IL17RA: variants seen among roughly 807,000 people sequenced by gnomAD.
IL17RA encodes interleukin 17 receptor A, also known as interleukin-17 receptor A.
Under a neutral mutation model 50.4 loss-of-function variants are expected in IL17RA, and 34 were observed. The ratio of observed to expected loss-of-function variants is 0.67; its 90% CI spans 0.51 to 0.90. IL17RA has a LOEUF of 0.90. IL17RA is among the 40% of genes least tolerant of loss of function. The pLI is 0.00. For synonymous variants in IL17RA, 585 were observed against 510.4 expected, an observed-to-expected ratio of 1.15 and a Z score of -1.97; for missense variants, 1,276 against 1,169.8, an observed-to-expected ratio of 1.09 and a Z score of -1.32.
chr22:17,097,891 A>G lies in IL17RA; in HGVS notation c.258A>G (p.Gln86=), dbSNP rs553999310. The change falls in exon 3 of 13, where the codon CAA becomes CAG. Residue 86 remains glutamine, a synonymous_variant. Transcript: ENST00000319363. ...TCCAGCTGCACTTTGCCCACACCCAACAAGGAGACCTGTTCCCCGTGGCTC... is the reference window on the plus strand; with the variant it reads ...TCCAGCTGCACTTTGCCCACACCCAGCAAGGAGACCTGTTCCCCGTGGCTC... ...LQIQLHFAHT[Q]QGDLFPVAHI... 8 of 1,614,100 alleles carry G rather than the reference A, an allele frequency of 5.0e-6. No individual in the cohort carries two copies. In the African/African-American group the frequency reaches 8.0e-5, roughly 16 times the overall value.
chr22:17,092,595 G>A (rs890415220), intron 1 of IL17RA, among the ~76,000 whole-genome samples: 3 of 152,052 alleles, frequency 2.0e-5, no homozygotes, highest in Non-Finnish European at 2.9e-5. Context: ...ACCACCCCCC[G>A]CCAATATGTA....
At chr22:17,106,714 T>G (rs2061416321) in intron 11 of IL17RA, among the ~76,000 whole-genome samples, 1 of 152,036 alleles carries the variant, frequency 6.6e-6, no homozygotes, top group Non-Finnish European at 1.5e-5. Flanking sequence ...TCGTCAGGAT[T>G]AGGTGTTAAT....
chr22:17,106,015 T>TACCAAGG, intron 11 of IL17RA, 61 bp downstream of exon 11: 1 of 1,284,662 alleles, frequency 7.8e-7, no homozygotes, highest in Non-Finnish European at 1.1e-6. Flanking sequence ...CACCACTCAC[T>TACCAAGG]ACCAAGGCAA....
chr22:17,100,156 A>AAAAAAAC (rs1191306097), intron 4 of IL17RA, among the ~76,000 whole-genome samples, 199 bp from the exon 5 acceptor site: 3 of 151,908 alleles, frequency 2.0e-5, no homozygotes, highest in African/African-American at 7.3e-5. Context: ...AAAAAAAAAA[A>AAAAAAAC]AAAAACAGGC....
At position 17,109,497 on chromosome 22, in the gene IL17RA, C is replaced by G. The variant is rs774218993; in HGVS notation, c.2278C>G (p.Leu760Val). ...GATGCTCTCGCTCTTCGAGCAGAGT[C>G]TGAGCTGCCAGGCCCAGGGGGGCTG... is the stretch of plus-strand genomic sequence containing the variant. The part of the protein sequence containing the change: ...GLMLSLFEQS[L>V]SCQAQGGCSR... Residue 760 changes from leucine (L) to valine (V), a missense_variant, in exon 13 of 13, where the codon CTG (leucine) becomes GTG (valine). Coordinates refer to ENST00000319363, the MANE Select transcript of IL17RA (RefSeq NM_014339.7). 1 of 1,606,932 alleles carries G rather than the reference C, an allele frequency of 6.2e-7. No homozygotes were observed.
intron 11 of IL17RA, among the ~76,000 whole-genome samples, chr22:17,107,153 C>A (rs2061417995): frequency 6.6e-6 from 1 of 152,170 alleles, no homozygotes. Flanking sequence ...TTCCTCACCT[C>A]AAAAATACCA....
chr22:17,094,705 A>ATATATATATATATATGTG (rs2061362611), intron 1 of IL17RA, among the ~76,000 whole-genome samples: 1 of 66,850 alleles, frequency 1.5e-5, no homozygotes, highest in Non-Finnish European at 2.8e-5. Context: ...ATATATATAT[A>ATATATATATATATATGTG]TATATATATA....
At chr22:17,103,932 A>G (rs1173435857) in intron 8 of IL17RA, among the ~76,000 whole-genome samples, 1 of 30,134 alleles carries the variant, frequency 3.3e-5, no homozygotes, top group Non-Finnish European at 5.9e-5. Context: ...GAGAGTGGGG[A>G]GCGTGCACAG....
At chr22:17,100,043 A>G (rs1451133878) in intron 4 of IL17RA, among the ~76,000 whole-genome samples, 3 of 151,476 alleles carry the variant, frequency 2.0e-5, no homozygotes, top group Non-Finnish European at 2.9e-5. Flanking sequence ...CCATTGTCCT[A>G]GAATTTGAGA....
chr22:17,109,392 G>A lies in IL17RA; in HGVS notation c.2173G>A (p.Asp725Asn). ...SVLFLPVDPEDSPLGSSTPMA... is the reference protein window; with the variant it reads ...SVLFLPVDPENSPLGSSTPMA... Reference sequence around the variant, plus strand: ...CCTCTTCCTCCCCGTGGACCCCGAGGACTCGCCCCTTGGCAGCAGCACCCC... The same window carrying A: ...CCTCTTCCTCCCCGTGGACCCCGAGAACTCGCCCCTTGGCAGCAGCACCCC... The change falls in exon 13 of 13, where the codon GAC (aspartate) becomes AAC (asparagine). Residue 725 changes from aspartate (D) to asparagine (N), a missense_variant. By Grantham distance (23) the Asp-to-Asn change is conservative. Coordinates refer to ENST00000319363, the MANE Select transcript of IL17RA (RefSeq NM_014339.7). 1 of 1,612,846 alleles carries A rather than the reference G, an allele frequency of 6.2e-7. No individual in the cohort carries two copies. Among genetic ancestry groups the A allele is most frequent in the Non-Finnish European group, 8.5e-7 (1 of 1,179,930 alleles).
intron 11 of IL17RA, among the ~76,000 whole-genome samples, 190 bp downstream of exon 11, chr22:17,106,144 G>A (rs1369391814): frequency 6.6e-6 from 1 of 152,222 alleles, no homozygotes; most frequent in Non-Finnish European, 1.5e-5. Context: ...TGTGCTATTT[G>A]CACAGTATCT....
At chr22:17,107,697 C>T in intron 11 of IL17RA, 30 bp from the exon 12 acceptor site, 2 of 1,597,066 alleles carry the variant, frequency 1.3e-6, no homozygotes, top group Non-Finnish European at 8.6e-7. Context: ...TCCCAAAGAA[C>T]CACTCCAGTG....
chr22:17,099,621 C>T (rs1296384369), intron 4 of IL17RA, among the ~76,000 whole-genome samples: 1 of 151,914 alleles, frequency 6.6e-6, no homozygotes, highest in Non-Finnish European at 1.5e-5. Flanking sequence ...TTAGATCTCC[C>T]ACAAACTCAA....
rs1297732295 is a variant in IL17RA at position 17,111,617 on chromosome 22, G to C, written c.*1797G>C. 1 of 152,178 alleles carries C rather than the reference G, an allele frequency of 6.6e-6. No homozygotes were observed. Among genetic ancestry groups the C allele is most frequent in the Non-Finnish European group, 1.5e-5 (1 of 68,032 alleles). The allele number at this position is 152,178 out of a possible 1,614,324, so 9.4% of individuals were successfully genotyped here. A position where few individuals can be genotyped will look rare whatever the true frequency, so the allele number is the denominator to read the frequency against. Reference sequence around the variant, plus strand: ...CACATTGAGGTGCCGTCTGACACTGGAATAGGGTGCCCTTCATTCCTATGC... The same window carrying C: ...CACATTGAGGTGCCGTCTGACACTGCAATAGGGTGCCCTTCATTCCTATGC... On this transcript the variant is annotated 3_prime_UTR_variant, in exon 13 of 13. Coordinates refer to ENST00000319363, the MANE Select transcript of IL17RA (RefSeq NM_014339.7).
In IL17RA at chr22:17,109,765, AG is replaced by A; in HGVS notation, c.2547del (p.Lys850ArgfsTer55). On this transcript the variant is annotated frameshift_variant, in exon 13 of 13. Coordinates refer to ENST00000319363, the MANE Select transcript of IL17RA (RefSeq NM_014339.7). LOFTEE classifies it high-confidence loss of function. ...CGGCAGCTGCTTTTCCGCCAGCTGC[AG>A]AAGAACTCGGGCTGGGACACGATGG... ...LQRQLLFRQL[Q>X]KNSGWDTMGS... is the part of the protein sequence containing the mutation. The A allele has an allele frequency of 6.4e-7, 1 of 1,554,198 alleles. No individual in the cohort carries two copies. The highest frequency in any genetic ancestry group is 1.4e-5 in the African/African-American group (1 of 73,506).
intron 7 of IL17RA, among the ~76,000 whole-genome samples, chr22:17,102,939 C>A (rs1439990317): frequency 3.9e-5 from 6 of 152,164 alleles, no homozygotes; most frequent in Non-Finnish European, 7.3e-5. Flanking sequence ...GTCAGGAGTT[C>A]GAGACCAGCC....
At chr22:17,101,858 C>G in intron 5 of IL17RA, 138 bp from the exon 6 acceptor site, 1 of 1,013,582 alleles carries the variant, frequency 9.9e-7, no homozygotes, top group South Asian at 1.3e-5. Context: ...GGGTCCAGCC[C>G]TGGAGCTCAC....
chr22:17,107,863 C>G, intron 12 of IL17RA, 95 bp downstream of exon 12: 1 of 1,115,238 alleles, frequency 9.0e-7, no homozygotes, highest in Non-Finnish European at 1.4e-6. Context: ...GCTCTAACTC[C>G]CAAGTCCCTT....
At chr22:17,094,437 GGA>G (rs1425929869) in intron 1 of IL17RA, among the ~76,000 whole-genome samples, 2 of 151,390 alleles carry the variant, frequency 1.3e-5, no homozygotes, top group Non-Finnish European at 2.9e-5. Context: ...TATATTGTTT[GGA>G]GAGAGGGAGA....
Sources: gnomAD v4.1 joint callset for allele counts (sites outside exome capture counted in the v4.1 genomes callset) on GRCh38, gnomAD v4.1.1 for gene constraint, MANE v1.5 for transcripts, NCBI Gene and HGNC (gene_info 2026-07-23, HGNC 2026-07-21) for gene names.